ADAM22: variants seen among roughly 807,000 people sequenced by gnomAD.
The protein encoded by ADAM22 is disintegrin and metalloproteinase domain-containing protein 22.
A neutral mutation model predicts 144.6 loss-of-function variants in ADAM22; 65 were observed. That is an observed-to-expected ratio of 0.45 (90% CI 0.37 to 0.55). The LOEUF (loss-of-function observed/expected upper bound fraction) is 0.55, where lower values mean the gene tolerates loss of function less well. Ranked by LOEUF, ADAM22 falls within the 20% of genes least tolerant of loss-of-function variation. The pLI is 0.00. For missense variants in ADAM22, 974 were observed against 1,184.9 expected (o/e 0.82, Z 2.61); for synonymous variants, 391 against 412.6 (o/e 0.95, Z 0.63).
At chr7:87,946,586 A>G (rs1466187831) in intron 2 of ADAM22, among the ~76,000 whole-genome samples, 1 of 152,202 alleles carries the variant, frequency 6.6e-6, no homozygotes, top group Non-Finnish European at 1.5e-5. Context: ...CAGCTATCCC[A>G]GCATTGTTTA....
chr7:87,955,259 G>T (rs1846361490), intron 2 of ADAM22, among the ~76,000 whole-genome samples: 1 of 152,120 alleles, frequency 6.6e-6, no homozygotes, highest in Non-Finnish European at 1.5e-5. Flanking sequence ...CCCCATTTTT[G>T]TGGTTTTATC....
intron 2 of ADAM22, among the ~76,000 whole-genome samples, chr7:87,953,562 C>T (rs956351642): frequency 1.3e-5 from 2 of 152,190 alleles, no homozygotes; most frequent in South Asian, 2.1e-4. Flanking sequence ...TTACTTCCAA[C>T]TATGTGGTCA....
chr7:88,036,918 G>A (rs748394655), intron 3 of ADAM22, among the ~76,000 whole-genome samples: 3 of 151,876 alleles, frequency 2.0e-5, no homozygotes, highest in Non-Finnish European at 2.9e-5. Flanking sequence ...TATATTTTAT[G>A]TCATGTCATT....
chr7:88,040,681 C>T (rs1802912845), intron 3 of ADAM22, among the ~76,000 whole-genome samples: 1 of 151,900 alleles, frequency 6.6e-6, no homozygotes, highest in African/African-American at 2.4e-5. Context: ...TATTATCTCA[C>T]ACTTTATGTG....
Position 88,114,653 on chromosome 7 carries a change from T to G in ADAM22, c.537+6T>G. ...AAGAAAATGACACTACTCAAGTAAG[T>G]GCTCCTTCTGTTTGTTGTGGCAAAT... On this transcript the variant is annotated splice_donor_region_variant and intron_variant, in intron 6 of 31. Coordinates refer to ENST00000413139, the MANE Select transcript of ADAM22 (RefSeq NM_001324418.2). 1.2e-6 allele frequency: 2 copies of G among 1,613,660 alleles called. No individual in the cohort carries two copies. Among genetic ancestry groups the G allele is most frequent in the Non-Finnish European group, 1.7e-6 (2 of 1,179,706 alleles).
chr7:88,014,559 A>T (rs566644631), intron 3 of ADAM22, among the ~76,000 whole-genome samples: 3 of 152,184 alleles, frequency 2.0e-5, no homozygotes, highest in Non-Finnish European at 4.4e-5. Context: ...CCTAGCCAAC[A>T]TGGCAAAAAC....
In ADAM22 at chr7:88,073,730, C is replaced by T. The variant is rs534356062; in HGVS notation, c.324-1896C>T. On this transcript the variant is annotated intron_variant, in intron 3 of 31. Transcript: ENST00000413139. Reference sequence around the variant, plus strand: ...GGGATACATAGTGTTCATGTTCATACATCTGCATATGCCTTCCCCACTGAT... The same window carrying T: ...GGGATACATAGTGTTCATGTTCATATATCTGCATATGCCTTCCCCACTGAT... 7.9e-5 allele frequency among the ~76,000 whole-genome samples: 12 copies of T among 152,342 alleles called. No individual in the cohort carries two copies. In the South Asian group the frequency reaches 8.3e-4, roughly 11 times the overall value.
chr7:88,165,219 T>TA (rs201564491), intron 23 of ADAM22, among the ~76,000 whole-genome samples: 58 of 151,126 alleles, frequency 3.8e-4, no homozygotes, highest in African/African-American at 6.8e-4. Flanking sequence ...TCCTATAATA[T>TA]AAAAAAAAAT....
intron 3 of ADAM22, among the ~76,000 whole-genome samples, chr7:88,021,484 T>C (rs1797815061): frequency 6.6e-6 from 1 of 152,226 alleles, no homozygotes; most frequent in Non-Finnish European, 1.5e-5. Context: ...CTGGACACTT[T>C]GTATACTCCA....
chr7:88,090,541 A>C (rs980226166), intron 4 of ADAM22, among the ~76,000 whole-genome samples: 3 of 152,210 alleles, frequency 2.0e-5, no homozygotes, highest in Non-Finnish European at 1.5e-5. Context: ...AATATTTATC[A>C]ATACATCTTC....
chr7:88,039,169 G>A (rs1240509966), intron 3 of ADAM22, among the ~76,000 whole-genome samples: 2 of 151,788 alleles, frequency 1.3e-5, no homozygotes, highest in Non-Finnish European at 2.9e-5. Context: ...CATGGGCCGG[G>A]CATGGTGGCT....
intron 25 of ADAM22, among the ~76,000 whole-genome samples, chr7:88,170,924 T>C: frequency 6.6e-6 from 1 of 151,910 alleles, no homozygotes; most frequent in East Asian, 1.9e-4. Flanking sequence ...TAGCTTATGG[T>C]TAAATAAACA....
chr7:88,065,063 T>C (rs1810882426), intron 3 of ADAM22, among the ~76,000 whole-genome samples: 1 of 152,138 alleles, frequency 6.6e-6, no homozygotes, highest in Non-Finnish European at 1.5e-5. Context: ...TCTTGAGAAA[T>C]TTTGTGATAA....
intron 3 of ADAM22, among the ~76,000 whole-genome samples, chr7:88,063,412 C>G (rs756168561): frequency 6.6e-6 from 1 of 151,664 alleles, no homozygotes; most frequent in African/African-American, 2.4e-5. Context: ...ATAGGAGAGA[C>G]AAGATAAAAA....
intron 4 of ADAM22, among the ~76,000 whole-genome samples, chr7:88,080,892 A>C (rs1278977167): frequency 6.6e-6 from 1 of 152,230 alleles, no homozygotes; most frequent in South Asian, 2.1e-4. Flanking sequence ...ATGGATTCAC[A>C]GCTGAATTCT....
chr7:88,013,955 CT>C (rs1563025015), intron 3 of ADAM22, among the ~76,000 whole-genome samples: 1 of 152,166 alleles, frequency 6.6e-6, no homozygotes, highest in African/African-American at 2.4e-5. Flanking sequence ...GTACCACTAT[CT>C]TTTTTCTTGA....
intron 19 of ADAM22, 27 bp from the exon 20 acceptor site, chr7:88,151,230 T>A: frequency 6.2e-7 from 1 of 1,613,866 alleles, no homozygotes; most frequent in Non-Finnish European, 8.5e-7. Context: ...ATTGCATCGC[T>A]AATGGGTATT....
chr7:88,053,588 G>GA lies in ADAM22; in HGVS notation c.324-22036dup, dbSNP rs1459911467. 6.3e-3 allele frequency among the ~76,000 whole-genome samples: 665 copies of GA among 106,050 alleles called. 5 individuals carry two copies. The highest frequency in any genetic ancestry group is 0.045 in the East Asian group (145 of 3,194). 69.6% of individuals were successfully genotyped at this position (106,050 alleles called of 152,430 possible). A position where few individuals can be genotyped will look rare whatever the true frequency, so the allele number is the denominator to read the frequency against. ...AGAAGGAAGGAGGAAAGGAAGGAAG[G>GA]AAGGAAAGAAAGAAAGAAAGAAAGA... is the stretch of plus-strand genomic sequence containing the variant. On this transcript the variant is annotated intron_variant, in intron 3 of 31. Coordinates refer to ENST00000413139, the MANE Select transcript of ADAM22 (RefSeq NM_001324418.2).
At chr7:88,181,809 A>G in intron 28 of ADAM22, 149 bp from the exon 29 acceptor site, 1 of 835,552 alleles carries the variant, frequency 1.2e-6, no homozygotes, top group South Asian at 1.8e-5. Context: ...ACTTTGTGAA[A>G]TTTAATTTGA....
Sources: gnomAD v4.1 joint callset for allele counts (sites outside exome capture counted in the v4.1 genomes callset) on GRCh38, gnomAD v4.1.1 for gene constraint, MANE v1.5 for transcripts, NCBI Gene and HGNC (gene_info 2026-07-23, HGNC 2026-07-21) for gene names.